Variants in AP2A2 observed in about 807,000 individuals in gnomAD.
The protein encoded by AP2A2 is adaptor related protein complex 2 subunit alpha 2.
Under a neutral mutation model 104.2 loss-of-function variants are expected in AP2A2, and 32 were observed. That is an observed-to-expected ratio of 0.31 (90% CI 0.23 to 0.41). The LOEUF is 0.41. AP2A2 is among the 10% of genes least tolerant of loss of function. The pLI is 1.00. For synonymous variants in AP2A2, 539 were observed against 533.3 expected, an observed-to-expected ratio of 1.01 and a Z score of -0.15; for missense variants, 912 against 1,261.0, an observed-to-expected ratio of 0.72 and a Z score of 4.19.
chr11:945,134 G>A (rs989026166), intron 1 of AP2A2, among the ~76,000 whole-genome samples: 5 of 152,058 alleles, frequency 3.3e-5, no homozygotes, highest in South Asian at 2.1e-4. Flanking sequence ...GGGCAGTCCC[G>A]TGTGCCACGC....
rs574145141 is a variant in AP2A2, at chr11:983,619, G to A, written c.706-1026G>A. On this transcript the variant is annotated intron_variant, in intron 6 of 21. Transcript: ENST00000448903. ...AGGATGGTCTCGATCTCCTGACCTT[G>A]TGATCCGCCCGCCTTGGCCTCTCAA... 1.5e-3 allele frequency among the ~76,000 whole-genome samples: 229 copies of A among 151,706 alleles called. 4 individuals are homozygous for A. Among genetic ancestry groups the A allele is most frequent in the Non-Finnish European group, 9.4e-4 (64 of 67,944 alleles).
chr11:1,000,332 C>T (rs964159044), intron 14 of AP2A2, 100 bp from the exon 15 acceptor site: 36 of 1,242,944 alleles, frequency 2.9e-5, no homozygotes, highest in African/African-American at 2.7e-4. Flanking sequence ...TGCATGGATG[C>T]CAAGGGGGTG....
intron 1 of AP2A2, among the ~76,000 whole-genome samples, chr11:950,921 C>T (rs993396972): frequency 3.3e-5 from 5 of 151,608 alleles, no homozygotes; most frequent in South Asian, 2.1e-4. Context: ...GGTGAAACCC[C>T]GTCTGTACTA....
rs552963619 is a variant in AP2A2, at chr11:993,691, G to A, written c.1551-63G>A. 8.2e-5 allele frequency: 108 copies of A among 1,309,392 alleles called. No homozygotes were observed. In the African/African-American group the frequency reaches 1.3e-3, roughly 16 times the overall value. 81.1% of individuals were successfully genotyped at this position (1,309,392 alleles called of 1,614,324 possible). On this transcript the variant is annotated intron_variant, in intron 12 of 21. Transcript: ENST00000448903. The surrounding 1 kb of genome is among the most constrained non-coding windows in gnomAD (Gnocchi z 8.2). ...GGTCTCGCCGCCGTCCCCCCCCCGC[G>A]GGGGCGTGCTGCAGCCTGCGAGGGG...
intron 6 of AP2A2, among the ~76,000 whole-genome samples, chr11:981,919 G>T (rs190277075): frequency 9.7e-4 from 148 of 152,388 alleles, no homozygotes; most frequent in Middle Eastern, 3.4e-3. Flanking sequence ...GGAGACTGGC[G>T]TTGCCAGACC....
intron 1 of AP2A2, among the ~76,000 whole-genome samples, chr11:940,493 G>A (rs1213073641): frequency 6.6e-6 from 1 of 152,116 alleles, no homozygotes; most frequent in Non-Finnish European, 1.5e-5. Context: ...CGACTCTCAA[G>A]TTTGTCCTCT....
At chr11:1,009,051 C>A in intron 18 of AP2A2, 49 bp from the exon 19 acceptor site, 1 of 1,480,158 alleles carries the variant, frequency 6.8e-7, no homozygotes, top group South Asian at 1.2e-5. Context: ...CCCTGGGGCT[C>A]TCAGAGGAGT....
Position 1,011,348 on chromosome 11 carries a change from C to T in AP2A2, c.*723C>T. 1.9e-6 allele frequency: 1 copy of T among 518,556 alleles called. No homozygotes were observed. The highest frequency in any genetic ancestry group is 3.8e-6 in the Non-Finnish European group (1 of 259,780). 32.1% of individuals were successfully genotyped at this position (518,556 alleles called of 1,614,324 possible). A position where few individuals can be genotyped will look rare whatever the true frequency, so the allele number is the denominator to read the frequency against. ...CGGCCCCGCAGGGCCCCCAGGACTC[C>T]AGGGTAAAGTGTGGGCCGGTGGCGC... On this transcript the variant is annotated 3_prime_UTR_variant, in exon 22 of 22. Transcript: ENST00000448903.
chr11:961,889 G>A (rs10902254), intron 2 of AP2A2, among the ~76,000 whole-genome samples: 7,937 of 51,848 alleles, frequency 0.15, 1,086 homozygotes, highest in Middle Eastern at 0.32. Context: ...AGTAAAGGGC[G>A]GAAGCAGATG....
At chr11:989,344 A>AG (rs1299283357) in intron 10 of AP2A2, among the ~76,000 whole-genome samples, 2 of 152,058 alleles carry the variant, frequency 1.3e-5, no homozygotes, top group African/African-American at 4.8e-5. Context: ...AAAAAAAAAA[A>AG]AACTAAAATG....
At chr11:1,009,283 G>A (rs374584687) in intron 19 of AP2A2, 45 bp from the exon 20 acceptor site, 6 of 1,610,654 alleles carry the variant, frequency 3.7e-6, no homozygotes, top group African/African-American at 1.3e-5. Flanking sequence ...GTGGGTTTTG[G>A]TCTCTGGCCT....
intron 3 of AP2A2, 147 bp downstream of exon 3, chr11:970,458 A>G: frequency 5.9e-6 from 6 of 1,009,390 alleles, no homozygotes; most frequent in Non-Finnish European, 8.5e-6. Flanking sequence ...ACGCGTGCCC[A>G]GTCCTTGTTA....
intron 1 of AP2A2, among the ~76,000 whole-genome samples, chr11:944,751 G>A (rs1170726458): frequency 1.3e-5 from 2 of 152,070 alleles, no homozygotes; most frequent in South Asian, 2.1e-4. Flanking sequence ...TGGGGAGGGC[G>A]TCTTGGCAGA....
chr11:1,008,056 G>A lies in AP2A2; in HGVS notation c.2341G>A (p.Gly781Ser). 6.3e-7 allele frequency: 1 copy of A among 1,581,174 alleles called. No individual in the cohort carries two copies. Among genetic ancestry groups the A allele is most frequent in the Non-Finnish European group, 8.6e-7 (1 of 1,164,368 alleles). Residue 781 changes from glycine to serine, a missense_variant, in exon 18 of 22, where the codon GGC (glycine) becomes AGC (serine). By Grantham distance (56) the Gly-to-Ser change is moderately conservative (BLOSUM62 0). This residue lies in a region of AP2A2 where 239 missense variants were observed against 329.8 expected (regional missense o/e 0.72). Coordinates refer to ENST00000448903, the MANE Select transcript of AP2A2 (RefSeq NM_012305.4). ...TKPVDPTVEGGAQVQQVVNIE... is the reference protein window; with the variant it reads ...TKPVDPTVEGSAQVQQVVNIE... ...GCCCGTGGACCCGACCGTGGAGGGGGGCGCGCAGGTGCAGCAGGTGGTCAA... is the reference window on the plus strand; with the variant it reads ...GCCCGTGGACCCGACCGTGGAGGGGAGCGCGCAGGTGCAGCAGGTGGTCAA...
chr11:992,437 C>G lies in AP2A2; in HGVS notation c.1270-66C>G, dbSNP rs763711890. Reference sequence around the variant, plus strand: ...CTGAAACTCTCACTTTGACTTTGGACGACAGTTTGGTCTTGGGATTGCCAT... The same window carrying G: ...CTGAAACTCTCACTTTGACTTTGGAGGACAGTTTGGTCTTGGGATTGCCAT... On this transcript the variant is annotated intron_variant, in intron 10 of 21. Transcript: ENST00000448903. This position sits in a 1 kb window ranked among gnomAD's most constrained non-coding sequence, Gnocchi z 6.4. The G allele has an allele frequency of 6.7e-7, 1 of 1,499,226 alleles. No homozygotes were observed. Among genetic ancestry groups the G allele is most frequent in the Non-Finnish European group, 9.1e-7 (1 of 1,100,974 alleles). 92.9% of individuals were successfully genotyped at this position (1,499,226 alleles called of 1,614,324 possible).
rs1205539476 is a variant in AP2A2 at position 1,000,595 on chromosome 11, C to T, written c.2120C>T (p.Ala707Val). Residue 707 changes from alanine to valine, a missense_variant, in exon 15 of 22, where the codon GCC becomes GTC. Coordinates refer to ENST00000448903, the MANE Select transcript of AP2A2 (RefSeq NM_012305.4). ...PLAPGSEDNF[A>V]RFVCKNNGVL... Reference sequence around the variant, plus strand: ...GCTCCTGGCTCCGAAGACAACTTTGCCAGGTAGTCAGGTTTCCTGAGTCCT... The same window carrying T: ...GCTCCTGGCTCCGAAGACAACTTTGTCAGGTAGTCAGGTTTCCTGAGTCCT... 6.5e-7 allele frequency: 1 copy of T among 1,543,380 alleles called. No individual in the cohort carries two copies. The highest frequency in any genetic ancestry group is 8.7e-7 in the Non-Finnish European group (1 of 1,150,000).
chr11:1,004,396 C>T (rs1371586230), intron 16 of AP2A2, among the ~76,000 whole-genome samples: 1 of 152,096 alleles, frequency 6.6e-6, no homozygotes, highest in Non-Finnish European at 1.5e-5. Flanking sequence ...TCACTTGAAC[C>T]TGGGAGGCGG....
intron 1 of AP2A2, chr11:932,585 G>A (rs1853325273): frequency 2.5e-6 from 1 of 392,790 alleles, no homozygotes; most frequent in African/African-American, 2.1e-5. Flanking sequence ...TGCTCTCCTT[G>A]CATGTCTTCT....
rs1855688236 is a variant in AP2A2, at chr11:992,365, C to G, written c.1270-138C>G. ...CGTGGGCTTTTTTGAGAATCGAGTT[C>G]AAGCTTCCTCCATGTCCCAAACTTT... On this transcript the variant is annotated intron_variant, in intron 10 of 21. Transcript: ENST00000448903. This position sits in a 1 kb window ranked among gnomAD's most constrained non-coding sequence, Gnocchi z 6.4. The G allele has an allele frequency of 1.2e-6, 1 of 858,566 alleles. No homozygotes were observed. Among genetic ancestry groups the G allele is most frequent in the African/African-American group, 1.7e-5 (1 of 59,498 alleles). 53.2% of individuals were successfully genotyped at this position (858,566 alleles called of 1,614,324 possible).
Sources: allele counts gnomAD v4.1 joint callset (sites outside exome capture counted in the v4.1 genomes callset), GRCh38; gene constraint gnomAD v4.1.1; regional missense constraint gnomAD v4.1.1; non-coding constraint Gnocchi (gnomAD v3.1); transcripts MANE v1.5; gene names NCBI Gene and HGNC (gene_info 2026-07-23, HGNC 2026-07-21).